RERE: variants seen among roughly 807,000 people sequenced by gnomAD.
RERE encodes arginine-glutamic acid dipeptide repeats protein.
RERE carries 40 observed loss-of-function variants against 146.1 expected under a neutral mutation model. The observed-to-expected ratio is 0.27, with a 90% confidence interval of 0.21 to 0.36. RERE has a LOEUF of 0.36. RERE is among the 10% of genes least tolerant of loss of function. The pLI is 1.00. For missense variants in RERE, 1,933 were observed against 2,138.7 expected (o/e 0.90, Z 1.90); for synonymous variants, 1,003 against 866.0 (o/e 1.16, Z -2.78).
intron 12 of RERE, among the ~76,000 whole-genome samples, chr1:8,404,118 T>G (rs1041807237): frequency 1.3e-5 from 2 of 152,094 alleles, no homozygotes; most frequent in Admixed American, 6.5e-5. Context: ...CCTGAGCCGC[T>G]GCACCCAGCT....
intron 1 of RERE, among the ~76,000 whole-genome samples, chr1:8,805,113 C>T (rs1641664616): frequency 6.7e-6 from 1 of 148,530 alleles, no homozygotes; most frequent in African/African-American, 2.5e-5. Context: ...CAGGTTCAAG[C>T]GATTGTCCCG....
At position 8,423,871 on chromosome 1, in the gene RERE, GC is replaced by G. The variant is rs1643960292; in HGVS notation, c.1204-1065del. On this transcript the variant is annotated intron_variant, in intron 11 of 22. Coordinates refer to ENST00000400908, the MANE Select transcript of RERE (RefSeq NM_001042681.2). This position sits in a 1 kb window ranked among gnomAD's most constrained non-coding sequence, Gnocchi z 5.4. ...GCCGCCCTCCTGTCCGCCAGCCGGG[GC>G]CCCGCGCCCCGGCCCCGGCCCCGCC... 1.7e-5 allele frequency: 3 copies of G among 173,924 alleles called. No homozygotes were observed. Among genetic ancestry groups the G allele is most frequent in the Non-Finnish European group, 3.4e-5 (3 of 89,264 alleles). 10.8% of individuals were successfully genotyped at this position (173,924 alleles called of 1,614,324 possible).
intron 2 of RERE, among the ~76,000 whole-genome samples, chr1:8,655,253 C>A (rs1322921804): frequency 1.3e-5 from 2 of 151,668 alleles, no homozygotes; most frequent in South Asian, 2.1e-4. Flanking sequence ...GTTGCCCAGG[C>A]TGGAGTGCAG....
rs1169938793 is a variant in RERE at position 8,814,490 on chromosome 1, C to T, written c.-145+2670G>A. On this transcript the variant is annotated intron_variant, in intron 1 of 22. Coordinates refer to ENST00000400908, the MANE Select transcript of RERE (RefSeq NM_001042681.2). Reference sequence around the variant, plus strand: ...TTTTAAATTCTTTATCTAATCCATACAATAAGTCACCCTATCAGACTTTAT... The same window carrying T: ...TTTTAAATTCTTTATCTAATCCATATAATAAGTCACCCTATCAGACTTTAT... 2.0e-5 allele frequency among the ~76,000 whole-genome samples: 3 copies of T among 152,180 alleles called. 1 individual carries two copies. Among genetic ancestry groups the T allele is most frequent in the South Asian group, 4.1e-4 (2 of 4,828 alleles).
intron 12 of RERE, among the ~76,000 whole-genome samples, chr1:8,415,092 A>G (rs928823423): frequency 2.6e-5 from 4 of 152,238 alleles, no homozygotes; most frequent in Non-Finnish European, 5.9e-5. Flanking sequence ...AACAGACTAG[A>G]TAGATATATT....
rs535581054 is a variant in RERE at position 8,409,120 on chromosome 1, T to C, written c.1284+13607A>G. Among the ~76,000 whole-genome samples, 28 of 152,358 alleles carry C rather than the reference T, an allele frequency of 1.8e-4. No homozygotes were observed. The South Asian group carries it at 5.6e-3, about 30-fold the overall frequency. On this transcript the variant is annotated intron_variant, in intron 12 of 22. Coordinates refer to ENST00000400908, the MANE Select transcript of RERE (RefSeq NM_001042681.2). ...TTGCAGATCTGGGGAAAAGAGACTGTGCCGTTTTGAAGGCAGAGCCTCACA... is the reference window on the plus strand; with the variant it reads ...TTGCAGATCTGGGGAAAAGAGACTGCGCCGTTTTGAAGGCAGAGCCTCACA...
In RERE at chr1:8,360,772, G is replaced by T; in HGVS notation, c.2735C>A (p.Pro912His). 6.3e-7 allele frequency: 1 copy of T among 1,597,604 alleles called. No homozygotes were observed. Residue 912 changes from proline to histidine, a missense_variant, in exon 18 of 23, where the codon CCT becomes CAT. By Grantham distance (77) the Pro-to-His change is moderately conservative. Coordinates refer to ENST00000400908, the MANE Select transcript of RERE (RefSeq NM_001042681.2). ...ASQSALQSQQ[P>H]PREQPLPPAP... ...TGGTGGCAGGGGCTGCTCCCGTGGA[G>T]GCTGTTGGGACTGCAGCGCTGACTG...
At chr1:8,457,083 A>G (rs1334334193) in intron 11 of RERE, among the ~76,000 whole-genome samples, 1 of 152,216 alleles carries the variant, frequency 6.6e-6, no homozygotes, top group Non-Finnish European at 1.5e-5. Flanking sequence ...CCAGAATGAA[A>G]GAATGAATGA....
intron 12 of RERE, among the ~76,000 whole-genome samples, chr1:8,401,655 G>C (rs11809850): frequency 6.6e-6 from 1 of 151,720 alleles, no homozygotes; most frequent in Admixed American, 6.6e-5. Flanking sequence ...AGCTACTCGG[G>C]AGGCTGAGGT....
chr1:8,496,548 G>A (rs927611723), intron 9 of RERE, among the ~76,000 whole-genome samples: 1 of 151,970 alleles, frequency 6.6e-6, no homozygotes, highest in Non-Finnish European at 1.5e-5. Flanking sequence ...AACCCATCCA[G>A]GGTTAAAATT....
Position 8,423,508 on chromosome 1 carries a change from C to A in RERE, c.1204-701G>T. Reference sequence around the variant, plus strand: ...AGACTTTCACTTTGTCCCATGCCTCCCGAGCACCCCTCCCCGCCCCGGTGG... The same window carrying A: ...AGACTTTCACTTTGTCCCATGCCTCACGAGCACCCCTCCCCGCCCCGGTGG... On this transcript the variant is annotated intron_variant, in intron 11 of 22. Transcript: ENST00000400908. The surrounding 1 kb of genome is among the most constrained non-coding windows in gnomAD (Gnocchi z 5.4). The A allele has an allele frequency of 1.0e-6, 1 of 981,022 alleles. No homozygotes were observed. Among genetic ancestry groups the A allele is most frequent in the Non-Finnish European group, 1.2e-6 (1 of 825,908 alleles). 60.8% of individuals were successfully genotyped at this position (981,022 alleles called of 1,614,324 possible).
At position 8,361,577 on chromosome 1, in the gene RERE, T is replaced by C. The variant is rs1641584143; in HGVS notation, c.2017-87A>G. ...CACCAGTGCCGGACACACAGTAATG[T>C]TTGTGCAGATGAAGCAGCAAGCTTG... On this transcript the variant is annotated intron_variant, in intron 17 of 22. Coordinates refer to ENST00000400908, the MANE Select transcript of RERE (RefSeq NM_001042681.2). 5 of 1,534,430 alleles carry C rather than the reference T, an allele frequency of 3.3e-6. No homozygotes were observed. The South Asian group carries it at 5.6e-5, about 17-fold the overall frequency.
intron 6 of RERE, among the ~76,000 whole-genome samples, chr1:8,545,730 CTG>C: frequency 6.8e-6 from 1 of 146,470 alleles, no homozygotes; most frequent in East Asian, 2.0e-4. Context: ...GACACCCAGA[CTG>C]GAGTGCAATG....
chr1:8,354,286 G>A lies in RERE; in HGVS notation c.*801C>T, dbSNP rs1297998690. 6.6e-6 allele frequency: 1 copy of A among 152,640 alleles called. No homozygotes were observed. 9.5% of individuals were successfully genotyped at this position (152,640 alleles called of 1,614,324 possible). On this transcript the variant is annotated 3_prime_UTR_variant, in exon 23 of 23. Transcript: ENST00000400908. ...AGGAGCAGACACAAGTGAAACGCCA[G>A]GCAGAAAACAGAGTCTGTAACATCG...
Position 8,364,026 on chromosome 1 carries a change from C to A in RERE, c.1740+30G>T, listed in dbSNP as rs750499633. The A allele has an allele frequency of 1.0e-5, 16 of 1,604,824 alleles. No individual in the cohort carries two copies. Among genetic ancestry groups the A allele is most frequent in the Non-Finnish European group, 1.4e-5 (16 of 1,172,236 alleles). On this transcript the variant is annotated intron_variant, in intron 15 of 22. Transcript: ENST00000400908. The surrounding 1 kb of genome is among the most constrained non-coding windows in gnomAD (Gnocchi z 5.1). The stretch of plus-strand genomic sequence containing the variant: ...ACATCCCAGGAAACTGAAGAAGTTG[C>A]CAGGAGCCCCATGGCCCCAGGGGAC...
At chr1:8,387,006 T>C (rs1406893914) in intron 12 of RERE, among the ~76,000 whole-genome samples, 1 of 152,130 alleles carries the variant, frequency 6.6e-6, no homozygotes, top group Non-Finnish European at 1.5e-5. Context: ...TTTTAAAAAT[T>C]TTAAAGAAGA....
At chr1:8,550,594 T>G (rs1306387647) in intron 6 of RERE, among the ~76,000 whole-genome samples, 1 of 152,192 alleles carries the variant, frequency 6.6e-6, no homozygotes, top group Non-Finnish European at 1.5e-5. Context: ...TCACCCAGGC[T>G]GGAGTGCAGT....
intron 6 of RERE, among the ~76,000 whole-genome samples, chr1:8,545,834 C>T (rs1023829401): frequency 2.0e-5 from 3 of 150,702 alleles, no homozygotes; most frequent in Non-Finnish European, 3.0e-5. Context: ...CAGACGCGTG[C>T]CACCACACCC....
At chr1:8,462,350 A>G (rs1297242840) in intron 11 of RERE, among the ~76,000 whole-genome samples, 2 of 152,262 alleles carry the variant, frequency 1.3e-5, no homozygotes, top group African/African-American at 4.8e-5. Context: ...CAAGGAATGA[A>G]GAGCTGGGGA....
Sources: allele counts gnomAD v4.1 joint callset (sites outside exome capture counted in the v4.1 genomes callset), GRCh38; gene constraint gnomAD v4.1.1; non-coding constraint Gnocchi (gnomAD v3.1); transcripts MANE v1.5; gene names NCBI Gene and HGNC (gene_info 2026-07-23, HGNC 2026-07-21).